The following CFAP299 variants were observed in gnomAD, a reference collection of about 807,000 sequenced individuals.
CFAP299 encodes the protein cilia- and flagella-associated protein 299.
CFAP299 carries 21 observed loss-of-function variants against 27.0 expected under a neutral mutation model. The observed-to-expected ratio is 0.78, with a 90% confidence interval of 0.55 to 1.12. CFAP299 has a LOEUF of 1.12. Ranked by LOEUF, CFAP299 falls within the 50% of genes most tolerant of loss-of-function variation. The pLI is 0.00. For missense variants in CFAP299, 310 were observed against 276.6 expected (o/e 1.12, Z -0.86); for synonymous variants, 104 against 98.1 (o/e 1.06, Z -0.36).
In CFAP299 at chr4:80,840,567, T is replaced by C. The variant is rs1056296151; in HGVS notation, c.334-29426T>C. 2.6e-5 allele frequency among the ~76,000 whole-genome samples: 4 copies of C among 152,216 alleles called. No individual in the cohort carries two copies. The East Asian group carries it at 7.7e-4, about 29-fold the overall frequency. ...CATTGCCCTTAAACCACATCCTGCA[T>C]GTTTTGGATTTCAGAGACTTTAAGA... On this transcript the variant is annotated intron_variant, in intron 3 of 5. Transcript: ENST00000358105.
chr4:80,769,330 G>A lies in CFAP299; in HGVS notation c.334-100663G>A, dbSNP rs772656949. On this transcript the variant is annotated intron_variant, in intron 3 of 5. Transcript: ENST00000358105. ...ACTTTTACTAAAGGTGACATGGCTC[G>A]TTGGGTATATTCATTTTATGTTACT... is the stretch of plus-strand genomic sequence containing the variant. 7.9e-5 allele frequency among the ~76,000 whole-genome samples: 12 copies of A among 152,064 alleles called. 1 individual carries two copies. The highest frequency in any genetic ancestry group is 4.1e-4 in the South Asian group (2 of 4,824).
intron 3 of CFAP299, among the ~76,000 whole-genome samples, chr4:80,764,192 T>C (rs760727259): frequency 1.1e-4 from 16 of 152,082 alleles, no homozygotes; most frequent in Non-Finnish European, 8.8e-5. Flanking sequence ...AAAAATTTTA[T>C]AATCTATCCA....
At chr4:80,543,431 G>A (rs973677572) in intron 2 of CFAP299, among the ~76,000 whole-genome samples, 1 of 152,176 alleles carries the variant, frequency 6.6e-6, no homozygotes, top group Non-Finnish European at 1.5e-5. Flanking sequence ...TATAAGAGGA[G>A]GTTGAAACCC....
At chr4:80,539,895 G>A (rs1270034321) in intron 2 of CFAP299, among the ~76,000 whole-genome samples, 1 of 152,206 alleles carries the variant, frequency 6.6e-6, no homozygotes, top group Non-Finnish European at 1.5e-5. Flanking sequence ...ATTTAGAGGT[G>A]TCCAAGATGA....
chr4:80,463,476 G>T (rs1417939042), intron 2 of CFAP299, among the ~76,000 whole-genome samples: 1 of 152,160 alleles, frequency 6.6e-6, no homozygotes, highest in Non-Finnish European at 1.5e-5. Context: ...GTATTAGTCT[G>T]TTTGGGCTGC....
intron 2 of CFAP299, among the ~76,000 whole-genome samples, chr4:80,460,621 G>A (rs559653200): frequency 2.0e-5 from 3 of 152,200 alleles, no homozygotes; most frequent in East Asian, 1.9e-4. Flanking sequence ...TTTTTTATGC[G>A]TAAGAAATAA....
chr4:80,827,943 G>T (rs1730075160), intron 3 of CFAP299, among the ~76,000 whole-genome samples: 1 of 151,982 alleles, frequency 6.6e-6, no homozygotes, highest in South Asian at 2.1e-4. Context: ...CAATAGTTTT[G>T]TTTATAATAA....
intron 4 of CFAP299, among the ~76,000 whole-genome samples, chr4:80,885,697 G>A (rs1430641430): frequency 6.6e-6 from 1 of 152,154 alleles, no homozygotes; most frequent in Non-Finnish European, 1.5e-5. Context: ...CAGTCCTTGG[G>A]CTGTGAATAA....
At chr4:80,890,398 T>C (rs1163875383) in intron 4 of CFAP299, among the ~76,000 whole-genome samples, 1 of 151,746 alleles carries the variant, frequency 6.6e-6, no homozygotes, top group Non-Finnish European at 1.5e-5. Context: ...TAAAAGAAAA[T>C]ACCTAGGAAT....
intron 2 of CFAP299, among the ~76,000 whole-genome samples, chr4:80,398,759 C>G (rs535308956): frequency 6.6e-6 from 1 of 152,250 alleles, no homozygotes; most frequent in African/African-American, 2.4e-5. Flanking sequence ...CTAGGCAATA[C>G]CATTCAGAAC....
intron 2 of CFAP299, among the ~76,000 whole-genome samples, chr4:80,531,412 T>A (rs1350795525): frequency 6.6e-6 from 1 of 152,206 alleles, no homozygotes; most frequent in Non-Finnish European, 1.5e-5. Context: ...CTTTGCCAAT[T>A]TTCAATATTT....
intron 3 of CFAP299, among the ~76,000 whole-genome samples, chr4:80,813,804 C>A (rs770337147): frequency 4.0e-5 from 6 of 151,796 alleles, no homozygotes; most frequent in Non-Finnish European, 7.4e-5. Context: ...AAGGGCAAAT[C>A]CTGATGCAGT....
intron 2 of CFAP299, among the ~76,000 whole-genome samples, chr4:80,553,495 T>C (rs1254632532): frequency 6.6e-6 from 1 of 152,190 alleles, no homozygotes; most frequent in Non-Finnish European, 1.5e-5. Flanking sequence ...TATGGTAGAA[T>C]GATTTATATT....
intron 2 of CFAP299, among the ~76,000 whole-genome samples, chr4:80,538,925 A>G (rs1205983168): frequency 6.6e-6 from 1 of 152,240 alleles, no homozygotes; most frequent in Non-Finnish European, 1.5e-5. Context: ...TTTTATGAAC[A>G]GTAAAGTTAA....
intron 2 of CFAP299, among the ~76,000 whole-genome samples, chr4:80,504,462 C>CATATATATATATGT (rs1731899156): frequency 7.9e-5 from 3 of 37,760 alleles, no homozygotes; most frequent in African/African-American, 2.6e-4. Flanking sequence ...TAAAATCTCA[C>CATATATATATATGT]ATATATATAT....
intron 5 of CFAP299, among the ~76,000 whole-genome samples, chr4:80,957,865 G>T (rs1738145359): frequency 6.6e-6 from 1 of 152,096 alleles, no homozygotes; most frequent in Non-Finnish European, 1.5e-5. Context: ...ATCATAAAAT[G>T]CAGCTAGTCT....
intron 2 of CFAP299, among the ~76,000 whole-genome samples, chr4:80,521,309 G>A (rs1182407853): frequency 6.6e-6 from 1 of 151,948 alleles, no homozygotes. Flanking sequence ...ATTCTTATAT[G>A]GCTATCATAA....
intron 4 of CFAP299, among the ~76,000 whole-genome samples, chr4:80,883,360 G>A (rs1199897727): frequency 1.3e-5 from 2 of 151,976 alleles, no homozygotes; most frequent in Non-Finnish European, 2.9e-5. Flanking sequence ...AAGAAAAACA[G>A]CAAGAGAAGA....
chr4:80,502,896 G>T (rs1731811728), intron 2 of CFAP299, among the ~76,000 whole-genome samples: 1 of 152,036 alleles, frequency 6.6e-6, no homozygotes, highest in Non-Finnish European at 1.5e-5. Flanking sequence ...TGCAAGCTGT[G>T]ATAGCTGTTA....
Sources: gnomAD v4.1 joint callset for allele counts (sites outside exome capture counted in the v4.1 genomes callset) on GRCh38, gnomAD v4.1.1 for gene constraint, MANE v1.5 for transcripts, NCBI Gene and HGNC (gene_info 2026-07-23, HGNC 2026-07-21) for gene names.